The following EPHA5 variants were observed in gnomAD, a reference collection of about 807,000 sequenced individuals.
The protein encoded by EPHA5 is ephrin type-A receptor 5.
Under a neutral mutation model 105.0 loss-of-function variants are expected in EPHA5, and 60 were observed. That is an observed-to-expected ratio of 0.57 (90% CI 0.46 to 0.71). The LOEUF is 0.71. Among genes scored for constraint, EPHA5 ranks in the 30% least tolerant of loss-of-function variants. The pLI, the probability that EPHA5 is intolerant of heterozygous loss-of-function variation, is 0.00. For synonymous variants in EPHA5, 513 were observed against 449.1 expected, an observed-to-expected ratio of 1.14 and a Z score of -1.80; for missense variants, 1,218 against 1,274.7, an observed-to-expected ratio of 0.96 and a Z score of 0.68.
chr4:65,515,688 C>G (rs998923229), intron 3 of EPHA5, among the ~76,000 whole-genome samples: 4 of 152,044 alleles, frequency 2.6e-5, no homozygotes, highest in Non-Finnish European at 5.9e-5. Flanking sequence ...TTTGCAAACT[C>G]GTGATGGTTA....
At chr4:65,438,946 T>G (rs1385884201) in intron 5 of EPHA5, among the ~76,000 whole-genome samples, 1 of 152,058 alleles carries the variant, frequency 6.6e-6, no homozygotes, top group Non-Finnish European at 1.5e-5. Context: ...AGTTTACATT[T>G]AAAAATAGCT....
intron 8 of EPHA5, among the ~76,000 whole-genome samples, chr4:65,374,799 C>T (rs1449779502): frequency 1.3e-5 from 2 of 151,808 alleles, no homozygotes; most frequent in Admixed American, 1.3e-4. Context: ...GTAAATGTGT[C>T]TCTTCACAAA....
At chr4:65,445,616 C>T (rs935895577) in intron 5 of EPHA5, among the ~76,000 whole-genome samples, 2 of 152,084 alleles carry the variant, frequency 1.3e-5, no homozygotes, top group Non-Finnish European at 2.9e-5. Flanking sequence ...TGAAAGAAAT[C>T]GGTTGCTATC....
chr4:65,499,572 C>T (rs1289553282), intron 3 of EPHA5, among the ~76,000 whole-genome samples: 2 of 151,530 alleles, frequency 1.3e-5, no homozygotes, highest in African/African-American at 4.8e-5. Flanking sequence ...TACTTTCTTG[C>T]CGTACTCACT....
chr4:65,522,744 T>A (rs2149284308), intron 3 of EPHA5, among the ~76,000 whole-genome samples: 1 of 152,168 alleles, frequency 6.6e-6, no homozygotes, highest in Non-Finnish European at 1.5e-5. Flanking sequence ...CGTCATCTAC[T>A]CGGAAGGCTG....
chr4:65,550,937 C>A (rs1030398174), intron 3 of EPHA5, among the ~76,000 whole-genome samples: 2 of 151,786 alleles, frequency 1.3e-5, no homozygotes, highest in African/African-American at 4.8e-5. Flanking sequence ...TTGGAGATTC[C>A]TACTAGATTA....
intron 2 of EPHA5, among the ~76,000 whole-genome samples, chr4:65,637,984 A>G (rs1747301850): frequency 6.6e-6 from 1 of 152,022 alleles, no homozygotes; most frequent in Non-Finnish European, 1.5e-5. Context: ...TGGTACATGT[A>G]TCTGATTATG....
chr4:65,389,897 C>A (rs1223853271), intron 8 of EPHA5, among the ~76,000 whole-genome samples: 1 of 151,966 alleles, frequency 6.6e-6, no homozygotes, highest in Non-Finnish European at 1.5e-5. Context: ...CAATTAATTT[C>A]CACAGGGAGG....
intron 3 of EPHA5, among the ~76,000 whole-genome samples, chr4:65,574,571 A>G (rs1416133519): frequency 6.9e-6 from 1 of 144,950 alleles, no homozygotes; most frequent in Non-Finnish European, 1.5e-5. Context: ...AAATTGCCAG[A>G]ATAAATATGT....
At chr4:65,507,153 G>A (rs2149252802) in intron 3 of EPHA5, among the ~76,000 whole-genome samples, 1 of 152,190 alleles carries the variant, frequency 6.6e-6, no homozygotes, top group African/African-American at 2.4e-5. Flanking sequence ...GTTTTGTCAG[G>A]TTTGTCAAAG....
Position 65,405,593 on chromosome 4 carries a change from C to T in EPHA5, c.1688-1114G>A, listed in dbSNP as rs1051285228. ...CTGAGGACCCTCTTGCACTGATCTA[C>T]TTTCAAATATTCTAGACCAGTAGTT... On this transcript the variant is annotated intron_variant, in intron 7 of 16. Transcript: ENST00000613740. Among the ~76,000 whole-genome samples the T allele has an allele frequency of 3.9e-5, 6 of 152,138 alleles. No homozygotes were observed. In the South Asian group the frequency reaches 1.2e-3, roughly 32 times the overall value.
At chr4:65,627,563 T>C (rs1746264020) in intron 2 of EPHA5, among the ~76,000 whole-genome samples, 1 of 152,146 alleles carries the variant, frequency 6.6e-6, no homozygotes, top group African/African-American at 2.4e-5. Context: ...TCCTGTTTTG[T>C]AAAAGCATAT....
chr4:65,614,148 A>T (rs935707403), intron 2 of EPHA5, among the ~76,000 whole-genome samples: 3 of 151,988 alleles, frequency 2.0e-5, no homozygotes, highest in African/African-American at 7.2e-5. Context: ...GTCTCACTAT[A>T]TTGTCCCTTA....
intron 5 of EPHA5, among the ~76,000 whole-genome samples, chr4:65,461,253 C>T (rs1387312008): frequency 6.6e-6 from 1 of 151,844 alleles, no homozygotes; most frequent in Non-Finnish European, 1.5e-5. Context: ...AGAACAGATC[C>T]AGTCACTATC....
intron 7 of EPHA5, among the ~76,000 whole-genome samples, chr4:65,412,301 AAC>A (rs1221027544): frequency 6.6e-6 from 1 of 152,142 alleles, no homozygotes; most frequent in Admixed American, 6.6e-5. Context: ...TTTAGAATTA[AAC>A]ACAGTATATT....
intron 3 of EPHA5, among the ~76,000 whole-genome samples, chr4:65,562,863 G>A (rs1485344497): frequency 1.3e-5 from 2 of 151,946 alleles, no homozygotes; most frequent in Admixed American, 6.6e-5. Context: ...TTGTATACAT[G>A]GTAATTGGTA....
intron 5 of EPHA5, among the ~76,000 whole-genome samples, chr4:65,441,801 A>G (rs1726042218): frequency 1.3e-5 from 2 of 152,308 alleles, no homozygotes; most frequent in South Asian, 4.1e-4. Flanking sequence ...TCAATTAAGA[A>G]ATATAATCTA....
chr4:65,635,383 A>G (rs530057735), intron 2 of EPHA5, among the ~76,000 whole-genome samples: 34 of 152,246 alleles, frequency 2.2e-4, no homozygotes, highest in African/African-American at 7.9e-4. Context: ...ATTAGAAAAA[A>G]ATTTAAAATG....
chr4:65,569,164 T>A lies in EPHA5; in HGVS notation c.910+32477A>T, dbSNP rs527621067. Among the ~76,000 whole-genome samples the A allele has an allele frequency of 4.6e-5, 7 of 151,582 alleles. No homozygotes were observed. In the East Asian group the frequency reaches 1.2e-3, roughly 25 times the overall value. Reference sequence around the variant, plus strand: ...CACAATATTAAAAGACACAAAAAAATTTAGGTTAGGCTCATTATATTTGAA... The same window carrying A: ...CACAATATTAAAAGACACAAAAAAAATTAGGTTAGGCTCATTATATTTGAA... On this transcript the variant is annotated intron_variant, in intron 3 of 16. Coordinates refer to ENST00000613740, the MANE Select transcript of EPHA5 (RefSeq NM_001281766.3).
Sources: gnomAD v4.1 joint callset for allele counts (sites outside exome capture counted in the v4.1 genomes callset) on GRCh38, gnomAD v4.1.1 for gene constraint, MANE v1.5 for transcripts, NCBI Gene and HGNC (gene_info 2026-07-23, HGNC 2026-07-21) for gene names.